Variants in SMARCA4 observed in about 807,000 individuals in gnomAD.
SMARCA4 encodes SWI/SNF related BAF chromatin remodeling complex subunit ATPase 4.
A neutral mutation model predicts 193.9 loss-of-function variants in SMARCA4; 31 were observed. The observed-to-expected ratio is 0.16, with a 90% CI of 0.12 to 0.22. The LOEUF is 0.22. SMARCA4 is among the 10% of genes least tolerant of loss of function. SMARCA4 has a pLI of 1.00. For synonymous variants in SMARCA4, 942 were observed against 933.1 expected (o/e 1.01, Z -0.17); for missense variants, 1,148 against 2,296.0 (o/e 0.50, Z 10.22).
chr19:10,961,343 A>T (rs1397612353), intron 1 of SMARCA4, 169 bp downstream of exon 1: 1 of 146,410 alleles, frequency 6.8e-6, no homozygotes, highest in African/African-American at 2.5e-5. Context: ...CGCGTGGGGA[A>T]GGCCACAGTG....
chr19:10,966,581 C>T (rs947732367), intron 1 of SMARCA4, among the ~76,000 whole-genome samples: 4 of 151,508 alleles, frequency 2.6e-5, no homozygotes, highest in Non-Finnish European at 5.9e-5. Flanking sequence ...CAACAAGACC[C>T]TATCTTAAAA....
Position 10,985,350 on chromosome 19 carries a change from A to G in SMARCA4, c.300A>G (p.Ser100=). Residue 100 remains serine (S), a synonymous_variant, in exon 3 of 35, where the codon TCA becomes TCG. Coordinates refer to ENST00000344626, the MANE Select transcript of SMARCA4 (RefSeq NM_003072.5). The surrounding 1 kb of genome is among the most constrained non-coding windows in gnomAD (Gnocchi z 4.5). ...YNQMKGMGMR[S]GGHAGMGPPP... ...AGATGAAAGGAATGGGGATGCGGTCAGGGGGCCATGCTGGGATGGGGCCCC... is the reference window on the plus strand; with the variant it reads ...AGATGAAAGGAATGGGGATGCGGTCGGGGGGCCATGCTGGGATGGGGCCCC... 6.2e-7 allele frequency: 1 copy of G among 1,614,060 alleles called. No homozygotes were observed.
chr19:11,053,467 A>G lies in SMARCA4; in HGVS notation c.4425-4788A>G, dbSNP rs1050567222. On this transcript the variant is annotated intron_variant, in intron 30 of 34. Coordinates refer to ENST00000344626, the MANE Select transcript of SMARCA4 (RefSeq NM_003072.5). ...ACTCCGTCTCAAAAAAAAAAAAAAA[A>G]AGAAAGAAATTCAAATCTCAGTGTC... is the stretch of plus-strand genomic sequence containing the variant. Among the ~76,000 whole-genome samples, 12 of 150,890 alleles carry G rather than the reference A, an allele frequency of 8.0e-5. 1 individual carries two copies. Among genetic ancestry groups the G allele is most frequent in the East Asian group, 1.9e-4 (1 of 5,138 alleles).
In SMARCA4 at chr19:11,031,421, T is replaced by G. The variant is rs2074924822; in HGVS notation, c.3546+528T>G. The G allele has an allele frequency of 5.3e-6, 1 of 188,294 alleles. No homozygotes were observed. Among genetic ancestry groups the G allele is most frequent in the African/African-American group, 2.3e-5 (1 of 42,734 alleles). 11.7% of individuals were successfully genotyped at this position (188,294 alleles called of 1,614,324 possible). On this transcript the variant is annotated intron_variant, in intron 25 of 34. Transcript: ENST00000344626. This position sits in a 1 kb window ranked among gnomAD's most constrained non-coding sequence, Gnocchi z 4.3. ...AATGAGTTAAACTTTTCTCTGTGTT[T>G]CATTATAAGACTGATAAGTTCTTAT... is the stretch of plus-strand genomic sequence containing the variant.
chr19:10,989,244 C>T (rs2145843270), intron 6 of SMARCA4, 73 bp from the exon 7 acceptor site: 1 of 1,586,184 alleles, frequency 6.3e-7, no homozygotes, highest in Non-Finnish European at 8.6e-7. Flanking sequence ...GGGATGGGTC[C>T]CCTGCAGCTC....
chr19:10,975,223 G>A (rs1216915398), intron 1 of SMARCA4, among the ~76,000 whole-genome samples: 1 of 151,114 alleles, frequency 6.6e-6, no homozygotes, highest in Non-Finnish European at 1.5e-5. Context: ...TGCTATGTTG[G>A]CCAGGCTGGT....
intron 30 of SMARCA4, among the ~76,000 whole-genome samples, chr19:11,057,400 G>T (rs1032603812): frequency 6.6e-6 from 1 of 152,316 alleles, no homozygotes. Context: ...TGTTCAGGGG[G>T]TTAGATCAGT....
intron 1 of SMARCA4, among the ~76,000 whole-genome samples, chr19:10,974,142 A>G (rs1231221007): frequency 2.6e-5 from 4 of 152,116 alleles, no homozygotes; most frequent in Non-Finnish European, 5.9e-5. Context: ...CATAATTCCA[A>G]CAAACAGATT....
chr19:11,048,035 T>C (rs2076047430), intron 30 of SMARCA4, among the ~76,000 whole-genome samples: 1 of 152,118 alleles, frequency 6.6e-6, no homozygotes, highest in South Asian at 2.1e-4. Flanking sequence ...CCCTGGAAGC[T>C]TCCTCGCCAC....
At chr19:11,002,386 G>A (rs2087720681) in intron 11 of SMARCA4, among the ~76,000 whole-genome samples, 1 of 152,166 alleles carries the variant, frequency 6.6e-6, no homozygotes, top group South Asian at 2.1e-4. Flanking sequence ...GGCTGAGGCA[G>A]GAGAATGGCA....
intron 24 of SMARCA4, among the ~76,000 whole-genome samples, chr19:11,029,968 G>T (rs1353546388): frequency 2.0e-5 from 3 of 152,098 alleles, no homozygotes; most frequent in Non-Finnish European, 4.4e-5. Context: ...GAGTCACCGC[G>T]CCCGGCCTGC....
At chr19:10,970,294 G>T (rs906608013) in intron 1 of SMARCA4, among the ~76,000 whole-genome samples, 12 of 152,198 alleles carry the variant, frequency 7.9e-5, no homozygotes, top group African/African-American at 2.9e-4. Context: ...TTAGTTCTGG[G>T]CGCTGCTTTA....
intron 1 of SMARCA4, among the ~76,000 whole-genome samples, chr19:10,972,084 C>T (rs1313968952): frequency 6.6e-5 from 10 of 151,894 alleles, no homozygotes; most frequent in Admixed American, 6.6e-4. Context: ...GCCCCCACAC[C>T]GAGTAGCTGG....
Position 10,987,576 on chromosome 19 carries a change from G to A in SMARCA4, c.860-90G>A, listed in dbSNP as rs1213717134. The A allele has an allele frequency of 2.8e-5, 41 of 1,490,352 alleles. No homozygotes were observed. Among genetic ancestry groups the A allele is most frequent in the Non-Finnish European group, 3.5e-5 (38 of 1,071,014 alleles). The allele number at this position is 1,490,352 out of a possible 1,614,324, so 92.3% of individuals were successfully genotyped here. On this transcript the variant is annotated intron_variant, in intron 5 of 34. Coordinates refer to ENST00000344626, the MANE Select transcript of SMARCA4 (RefSeq NM_003072.5). This position sits in a 1 kb window ranked among gnomAD's most constrained non-coding sequence, Gnocchi z 5.3. ...GATGGGCGGGGTCTGCCTGTCCCCAGTGCCTCAAGCAGCTCAGCAGCTTTC... is the reference window on the plus strand; with the variant it reads ...GATGGGCGGGGTCTGCCTGTCCCCAATGCCTCAAGCAGCTCAGCAGCTTTC...
At chr19:11,061,223 A>G (rs1037500518) in intron 34 of SMARCA4, among the ~76,000 whole-genome samples, 3 of 137,128 alleles carry the variant, frequency 2.2e-5, no homozygotes, top group Admixed American at 7.2e-5. Flanking sequence ...ATATATATAT[A>G]TATATATATA....
chr19:11,019,160 G>A lies in SMARCA4; in HGVS notation c.2505+137G>A. On this transcript the variant is annotated intron_variant, in intron 17 of 34. Transcript: ENST00000344626. The surrounding 1 kb of genome is among the most constrained non-coding windows in gnomAD (Gnocchi z 6.1). ...TCGCATGGAGTCTCCAGGACAGCCT[G>A]GAACTCCAGTCACATGGATCCGGGA... The A allele has an allele frequency of 1.3e-6, 1 of 746,972 alleles. No individual in the cohort carries two copies. Among genetic ancestry groups the A allele is most frequent in the Middle Eastern group, 3.4e-4 (1 of 2,954 alleles). The allele number at this position is 746,972 out of a possible 1,614,324, so 46.3% of individuals were successfully genotyped here.
rs1568512580 is a variant in SMARCA4, at chr19:11,034,247, T to C, written c.3951+47T>C. The C allele has an allele frequency of 6.9e-7, 1 of 1,454,798 alleles. No homozygotes were observed. Among genetic ancestry groups the C allele is most frequent in the South Asian group, 1.1e-5 (1 of 88,004 alleles). The allele number at this position is 1,454,798 out of a possible 1,614,324, so 90.1% of individuals were successfully genotyped here. On this transcript the variant is annotated intron_variant, in intron 28 of 34. Coordinates refer to ENST00000344626, the MANE Select transcript of SMARCA4 (RefSeq NM_003072.5). This position sits in a 1 kb window ranked among gnomAD's most constrained non-coding sequence, Gnocchi z 7.0. ...GGGCAGTTCAGGCATCCCACTCTGC[T>C]GCCACCAGGAGCAAAGCAGACGTCC...
chr19:10,974,671 A>ATATATATATATATG (rs2084956010), intron 1 of SMARCA4, among the ~76,000 whole-genome samples: 1 of 32,068 alleles, frequency 3.1e-5, no homozygotes, highest in African/African-American at 1.2e-4. Context: ...ACATGCATAT[A>ATATATATATATATG]TATATATATA....
intron 19 of SMARCA4, among the ~76,000 whole-genome samples, chr19:11,022,403 T>TA (rs778689566): frequency 6.4e-4 from 97 of 152,296 alleles, no homozygotes; most frequent in Middle Eastern, 6.8e-3. Context: ...GGTTCTGTCT[T>TA]ACGTTGTTTT....
Sources: allele counts gnomAD v4.1 joint callset (sites outside exome capture counted in the v4.1 genomes callset), GRCh38; gene constraint gnomAD v4.1.1; non-coding constraint Gnocchi (gnomAD v3.1); transcripts MANE v1.5; gene names NCBI Gene and HGNC (gene_info 2026-07-23, HGNC 2026-07-21).